KAT6B: variants seen among roughly 807,000 people sequenced by gnomAD.
KAT6B encodes histone acetyltransferase KAT6B.
KAT6B carries 10 observed loss-of-function variants against 187.5 expected under a neutral mutation model. The ratio of observed to expected loss-of-function variants is 0.05; its 90% CI spans 0.03 to 0.09. The LOEUF (loss-of-function observed/expected upper bound fraction) is 0.09. KAT6B is among the 10% of genes least tolerant of loss of function. The pLI is 1.00. For synonymous variants in KAT6B, 861 were observed against 926.8 expected, an observed-to-expected ratio of 0.93 and a Z score of 1.29; for missense variants, 1,952 against 2,558.9, an observed-to-expected ratio of 0.76 and a Z score of 5.12.
At chr10:74,894,224 G>A (rs991637743) in intron 3 of KAT6B, among the ~76,000 whole-genome samples, 1 of 152,106 alleles carries the variant, frequency 6.6e-6, no homozygotes, top group African/African-American at 2.4e-5. Context: ...TGGAACTATA[G>A]GCATGAGCCA....
At position 74,902,187 on chromosome 10, in the gene KAT6B, A is replaced by G. The variant is rs544688119; in HGVS notation, c.622-57783A>G. Among the ~76,000 whole-genome samples the G allele has an allele frequency of 3.5e-4, 54 of 152,246 alleles. 1 individual carries two copies. Among genetic ancestry groups the G allele is most frequent in the African/African-American group, 1.2e-3 (48 of 41,536 alleles). On this transcript the variant is annotated intron_variant, in intron 3 of 17. Transcript: ENST00000287239. ...CTAATCATTTCTGTTCTCTCATGCC[A>G]TCAGTTTGCAGGGGCTCTTGGTAGT...
intron 2 of KAT6B, among the ~76,000 whole-genome samples, chr10:74,839,423 G>C (rs1432682842): frequency 6.6e-6 from 1 of 151,806 alleles, no homozygotes; most frequent in Non-Finnish European, 1.5e-5. Context: ...GTAGAGACGG[G>C]GTTTCACCAT....
At chr10:74,931,649 A>AAAAG (rs1848886543) in intron 3 of KAT6B, among the ~76,000 whole-genome samples, 1 of 152,160 alleles carries the variant, frequency 6.6e-6, no homozygotes, top group South Asian at 2.1e-4. Context: ...CCTTTCTTTT[A>AAAAG]AAAGGGATGG....
At chr10:74,877,254 C>T (rs1844487248) in intron 3 of KAT6B, among the ~76,000 whole-genome samples, 1 of 152,182 alleles carries the variant, frequency 6.6e-6, no homozygotes, top group African/African-American at 2.4e-5. Context: ...GCATGAGCCA[C>T]CACACCCAGC....
intron 4 of KAT6B, among the ~76,000 whole-genome samples, chr10:74,964,599 A>T (rs926715476): frequency 6.6e-6 from 1 of 152,132 alleles, no homozygotes; most frequent in East Asian, 1.9e-4. Context: ...ACAAATAACT[A>T]TAGAGCTTTT....
intron 16 of KAT6B, chr10:75,024,065 C>G (rs952440516): frequency 6.6e-6 from 1 of 151,914 alleles, no homozygotes; most frequent in Non-Finnish European, 1.5e-5. Context: ...TTTATAATTA[C>G]AATTATGGAC....
At chr10:74,945,072 A>G (rs7905775) in intron 3 of KAT6B, among the ~76,000 whole-genome samples, 15,285 of 152,188 alleles carry the variant, frequency 0.1, 1,732 homozygotes, top group African/African-American at 0.28. Flanking sequence ...ACTTGCATGA[A>G]TGTTCATATG....
intron 3 of KAT6B, among the ~76,000 whole-genome samples, chr10:74,947,449 T>G (rs1013118056): frequency 5.3e-5 from 8 of 152,244 alleles, no homozygotes; most frequent in African/African-American, 1.9e-4. Context: ...AAGAATGTAA[T>G]TTAGAAACTG....
At chr10:74,905,901 A>G (rs756073691) in intron 3 of KAT6B, among the ~76,000 whole-genome samples, 1 of 152,200 alleles carries the variant, frequency 6.6e-6, no homozygotes, top group African/African-American at 2.4e-5. Context: ...TGTCTTGCAC[A>G]TAAGGGCTCA....
rs1012777620 is a variant in KAT6B, at chr10:75,017,902, TTC to T, written c.2630-2678_2630-2677del. Among the ~76,000 whole-genome samples, 78 of 152,372 alleles carry T rather than the reference TTC, an allele frequency of 5.1e-4. 1 individual carries two copies. Among genetic ancestry groups the T allele is most frequent in the African/African-American group, 1.8e-3 (76 of 41,600 alleles). ...TGTTCATTTTGATCGTTTTGATGGATTCTGTTTTCTCTTACGTGAGTAGACTT... is the reference window on the plus strand; with the variant it reads ...TGTTCATTTTGATCGTTTTGATGGATTGTTTTCTCTTACGTGAGTAGACTT... On this transcript the variant is annotated intron_variant, in intron 13 of 17. Transcript: ENST00000287239.
intron 13 of KAT6B, among the ~76,000 whole-genome samples, chr10:75,012,575 G>A (rs561697146): frequency 8.3e-4 from 127 of 152,270 alleles, no homozygotes; most frequent in African/African-American, 2.9e-3. Context: ...TGGCACCTCC[G>A]GCTCAGGAGC....
chr10:74,906,022 T>C (rs1329371865), intron 3 of KAT6B, among the ~76,000 whole-genome samples: 1 of 152,198 alleles, frequency 6.6e-6, no homozygotes, highest in Non-Finnish European at 1.5e-5. Context: ...CTTTTTAATA[T>C]GGTTTGTACA....
intron 3 of KAT6B, among the ~76,000 whole-genome samples, chr10:74,908,700 A>G (rs748245387): frequency 2.0e-5 from 3 of 152,186 alleles, no homozygotes; most frequent in African/African-American, 4.8e-5. Flanking sequence ...ATGTGGGTCA[A>G]CCTAGTATAT....
In KAT6B at chr10:74,947,010, G is replaced by T. The variant is rs558973582; in HGVS notation, c.622-12960G>T. Among the ~76,000 whole-genome samples the T allele has an allele frequency of 2.4e-4, 36 of 151,746 alleles. 1 individual carries two copies. In the South Asian group the frequency reaches 6.3e-3, roughly 26 times the overall value. ...AAAAACTGTTTGTTTGTTATATTTG[G>T]TTTTTTTTGAGACGAGTCTTACTGT... On this transcript the variant is annotated intron_variant, in intron 3 of 17. Coordinates refer to ENST00000287239, the MANE Select transcript of KAT6B (RefSeq NM_012330.4).
chr10:75,007,908 C>T (rs1844331982), intron 13 of KAT6B, among the ~76,000 whole-genome samples: 1 of 152,146 alleles, frequency 6.6e-6, no homozygotes, highest in Admixed American at 6.6e-5. Flanking sequence ...AAAATGAAAA[C>T]TTGAGTGCAC....
In KAT6B at chr10:75,029,262, G is replaced by A. The variant is rs868347104; in HGVS notation, c.4438G>A (p.Asp1480Asn). The A allele has an allele frequency of 5.6e-6, 9 of 1,613,974 alleles. No individual in the cohort carries two copies. The highest frequency in any genetic ancestry group is 2.7e-5 in the African/African-American group (2 of 74,884). ...NPEVLMDCGV[D>N]LTASCNSEPK... ...AGAGGTCTTAATGGACTGTGGCGTC[G>A]ACCTGACAGCTTCTTGTAACAGTGA... is the stretch of plus-strand genomic sequence containing the variant. Residue 1480 changes from aspartate to asparagine, a missense_variant, in exon 18 of 18, where the codon GAC (aspartate) becomes AAC (asparagine). This residue lies in a region of KAT6B where 758 missense variants were observed against 891.4 expected (regional missense o/e 0.85). Coordinates refer to ENST00000287239, the MANE Select transcript of KAT6B (RefSeq NM_012330.4). The surrounding 1 kb of genome is among the most constrained non-coding windows in gnomAD (Gnocchi z 6.2).
intron 3 of KAT6B, among the ~76,000 whole-genome samples, chr10:74,853,805 T>G (rs1366300054): frequency 6.6e-6 from 1 of 151,544 alleles, no homozygotes; most frequent in East Asian, 1.9e-4. Flanking sequence ...TTTTTTTGTA[T>G]TTTTAGTAGA....
chr10:74,952,046 A>G (rs767055510), intron 3 of KAT6B, among the ~76,000 whole-genome samples: 3 of 152,180 alleles, frequency 2.0e-5, no homozygotes, highest in African/African-American at 4.8e-5. Context: ...GGTCAGTGCA[A>G]TGAAGAAAAA....
Position 75,030,601 on chromosome 10 carries a change from G to A in KAT6B, c.5777G>A (p.Arg1926Lys). The A allele has an allele frequency of 6.2e-7, 1 of 1,612,406 alleles. No homozygotes were observed. The highest frequency in any genetic ancestry group is 8.5e-7 in the Non-Finnish European group (1 of 1,178,480). ...GCCAGCAAGGGCCACATCTCCATGA[G>A]AACCAAGTCAGCGTCTCTGTCACCA... is the stretch of plus-strand genomic sequence containing the variant. Reference protein sequence around the residue: ...QIASKGHISMRTKSASLSPAA... With the variant: ...QIASKGHISMKTKSASLSPAA... Residue 1926 changes from arginine (R) to lysine (K), a missense_variant, in exon 18 of 18, where the codon AGA (arginine) becomes AAA (lysine). Arg to Lys is a conservative substitution (Grantham distance 26). Transcript: ENST00000287239. The surrounding 1 kb of genome is among the most constrained non-coding windows in gnomAD (Gnocchi z 4.8).
Sources: allele counts gnomAD v4.1 joint callset (sites outside exome capture counted in the v4.1 genomes callset), GRCh38; gene constraint gnomAD v4.1.1; regional missense constraint gnomAD v4.1.1; non-coding constraint Gnocchi (gnomAD v3.1); transcripts MANE v1.5; gene names NCBI Gene and HGNC (gene_info 2026-07-23, HGNC 2026-07-21).